The following FAM200A variants were observed in gnomAD, a reference collection of about 807,000 sequenced individuals.
FAM200A encodes ZBED8 like, also known as protein FAM200A.
In FAM200A, 26 loss-of-function variants were observed where a neutral mutation model predicts 44.2. The observed-to-expected ratio is 0.59, with a 90% CI of 0.43 to 0.82. The LOEUF (loss-of-function observed/expected upper bound fraction) is 0.82. Among genes scored for constraint, FAM200A ranks in the 40% least tolerant of loss-of-function variants. FAM200A has a pLI of 0.00. For synonymous variants in FAM200A, 206 were observed against 244.4 expected, an observed-to-expected ratio of 0.84 and a Z score of 1.47; for missense variants, 606 against 669.5, an observed-to-expected ratio of 0.91 and a Z score of 1.05.
rs1562925171 is a variant in FAM200A, at chr7:99,547,985, T to C, written c.423A>G (p.Ala141=). ...TATCAGTGCTCTCATCGAGTTGGAT[T>C]GCAAAGTCTATACCGGACTGCAGCC... The part of the protein sequence containing the change: ...ITRLQSGIDF[A]IQLDESTDIA... Residue 141 remains alanine, a synonymous_variant, in exon 2 of 2, where the codon GCA becomes GCG. Transcript: ENST00000449309. 1 of 1,551,536 alleles carries C rather than the reference T, an allele frequency of 6.4e-7. No homozygotes were observed. Among genetic ancestry groups the C allele is most frequent in the South Asian group, 1.2e-5 (1 of 84,058 alleles).
chr7:99,553,050 C>CATATAT (rs1293096944), upstream of FAM200A, among the ~76,000 whole-genome samples: 54 of 115,722 alleles, frequency 4.7e-4, 1 homozygote, highest in African/African-American at 1.9e-3. Context: ...TATACACACA[C>CATATAT]ATATATATAT....
chr7:99,555,477 T>A (rs1387786587), upstream of FAM200A, among the ~76,000 whole-genome samples: 1 of 152,174 alleles, frequency 6.6e-6, no homozygotes, highest in Non-Finnish European at 1.5e-5. Flanking sequence ...AGCACACGAA[T>A]GCACACTCTT....
chr7:99,552,809 G>T (rs928543547), upstream of FAM200A, among the ~76,000 whole-genome samples: 3 of 151,804 alleles, frequency 2.0e-5, no homozygotes, highest in Non-Finnish European at 4.4e-5. Context: ...GCCTACAAAA[G>T]GAACGGCTAC....
At position 99,551,871 on chromosome 7, in the gene FAM200A, T is replaced by C; in HGVS notation, c.-117A>G. On this transcript the variant is annotated 5_prime_UTR_variant, in exon 1 of 2. Coordinates refer to ENST00000449309, the MANE Select transcript of FAM200A (RefSeq NM_145111.4). ...CTTCCCACCTGTATCCAGGGACACC[T>C]CTGCTGGGGGACAGCGCTTGCCACC... 1 of 985,452 alleles carries C rather than the reference T, an allele frequency of 1.0e-6. No individual in the cohort carries two copies. Among genetic ancestry groups the C allele is most frequent in the Non-Finnish European group, 1.2e-6 (1 of 829,986 alleles). The allele number at this position is 985,452 out of a possible 1,614,324, so 61.0% of individuals were successfully genotyped here.
chr7:99,549,093 C>T (rs1370657106), intron 1 of FAM200A, among the ~76,000 whole-genome samples: 11 of 128,556 alleles, frequency 8.6e-5, no homozygotes, highest in Non-Finnish European at 1.6e-5. Flanking sequence ...AAACAAAAAA[C>T]AAAAAAAACC....
upstream of FAM200A, among the ~76,000 whole-genome samples, chr7:99,556,309 T>C (rs1802674084): frequency 6.6e-6 from 1 of 152,124 alleles, no homozygotes; most frequent in Non-Finnish European, 1.5e-5. Flanking sequence ...AGAGAACAGG[T>C]CTCAGGATCC....
rs976210060 is a variant in FAM200A at position 99,546,917 on chromosome 7, T to A, written c.1491A>T (p.Ala497=). Reference sequence around the variant, plus strand: ...AGTCATCTTTAATCTTAATCCAAAATGCTGATAAACTTAATATCTTATAAT... The same window carrying A: ...AGTCATCTTTAATCTTAATCCAAAAAGCTGATAAACTTAATATCTTATAAT... ...KNYYKILSLS[A]FWIKIKDDFP... is the part of the protein sequence containing the mutation. Residue 497 remains alanine (A), a synonymous_variant, in exon 2 of 2, where the codon GCA becomes GCT. Transcript: ENST00000449309. 3 of 1,548,920 alleles carry A rather than the reference T, an allele frequency of 1.9e-6. No individual in the cohort carries two copies. In the African/African-American group the frequency reaches 4.1e-5, roughly 21 times the overall value.
At chr7:99,554,886 C>T (rs1802648209), upstream of FAM200A, among the ~76,000 whole-genome samples, 1 of 152,150 alleles carries the variant, frequency 6.6e-6, no homozygotes, top group Admixed American at 6.5e-5. Flanking sequence ...TTTATAAGGC[C>T]ATAGGAGTAA....
In FAM200A at chr7:99,548,089, T is replaced by C. The variant is rs1016460099; in HGVS notation, c.319A>G (p.Thr107Ala). Residue 107 changes from threonine to alanine, a missense_variant, in exon 2 of 2, where the codon ACT becomes GCT. Coordinates refer to ENST00000449309, the MANE Select transcript of FAM200A (RefSeq NM_145111.4). The stretch of plus-strand genomic sequence containing the variant: ...ATTGTATTATCACTAAGAGGTATAG[T>C]TCTTAGTTTATCAGCTGATTTGTCA... Reference protein sequence around the residue: ...FDDKSADKLRTIPLSDNTISR... With the variant: ...FDDKSADKLRAIPLSDNTISR... 3.9e-6 allele frequency: 6 copies of C among 1,551,530 alleles called. No homozygotes were observed. Among genetic ancestry groups the C allele is most frequent in the Non-Finnish European group, 4.4e-6 (5 of 1,146,986 alleles).
Position 99,548,294 on chromosome 7 carries a change from C to T in FAM200A, c.114G>A (p.Lys38=). ...GCGATGACTCTACTTTGTTTCTTTC[C>T]TTTTGAAAATGGTCTTCTTCATCTT... ...EEEDEEDHFQ[K]ERNKVESSPQ... Residue 38 remains lysine (K), a synonymous_variant, in exon 2 of 2, where the codon AAG becomes AAA. Coordinates refer to ENST00000449309, the MANE Select transcript of FAM200A (RefSeq NM_145111.4). 6.2e-7 allele frequency: 1 copy of T among 1,614,078 alleles called. No homozygotes were observed. Among genetic ancestry groups the T allele is most frequent in the Non-Finnish European group, 8.5e-7 (1 of 1,179,996 alleles).
chr7:99,557,333 C>T (rs1562928482), intron 1 of FAM200A, among the ~76,000 whole-genome samples: 2 of 152,242 alleles, frequency 1.3e-5, no homozygotes, highest in East Asian at 3.9e-4. Context: ...CATCACATTG[C>T]TAATAGGTAC....
upstream of FAM200A, among the ~76,000 whole-genome samples, chr7:99,553,099 A>ATATATATT (rs1254408398): frequency 2.6e-4 from 16 of 61,394 alleles, no homozygotes; most frequent in East Asian, 6.1e-4. Context: ...ATATATATAT[A>ATATATATT]TTTTTTTTTT....
Position 99,548,308 on chromosome 7 carries a change from C to A in FAM200A, c.100G>T (p.Asp34Tyr), listed in dbSNP as rs1190580885. Residue 34 changes from aspartate to tyrosine, a missense_variant, in exon 2 of 2, where the codon GAC becomes TAC. Physicochemically the swap from Asp to Tyr is radical, Grantham distance 160. Coordinates refer to ENST00000449309, the MANE Select transcript of FAM200A (RefSeq NM_145111.4). Reference sequence around the variant, plus strand: ...TTGTTTCTTTCCTTTTGAAAATGGTCTTCTTCATCTTCCTCCTCCACCTTC... The same window carrying A: ...TTGTTTCTTTCCTTTTGAAAATGGTATTCTTCATCTTCCTCCTCCACCTTC... ...IVKVEEEDEE[D>Y]HFQKERNKVE... 8 of 1,614,058 alleles carry A rather than the reference C, an allele frequency of 5.0e-6. No homozygotes were observed. The Admixed American group carries it at 5.0e-5, about 10-fold the overall frequency.
In FAM200A at chr7:99,547,359, A is replaced by G. The variant is rs1475562098; in HGVS notation, c.1049T>C (p.Ile350Thr). 2.6e-6 allele frequency: 4 copies of G among 1,549,710 alleles called. No individual in the cohort carries two copies. Among genetic ancestry groups the G allele is most frequent in the Middle Eastern group, 1.7e-4 (1 of 5,984 alleles). Residue 350 changes from isoleucine to threonine, a missense_variant, in exon 2 of 2, where the codon ATT becomes ACT. Coordinates refer to ENST00000449309, the MANE Select transcript of FAM200A (RefSeq NM_145111.4). The part of the protein sequence containing the change: ...WVTKLAYLSD[I>T]FGILNELSLK... ...GCTTAATTCATTAAGAATGCCAAAA[A>G]TATCACTTAAATATGCCAATTTTGT...
intron 1 of FAM200A, among the ~76,000 whole-genome samples, chr7:99,557,610 C>T (rs1418370832): frequency 1.3e-5 from 2 of 152,106 alleles, no homozygotes; most frequent in South Asian, 4.1e-4. Context: ...TCCACTGTGA[C>T]GGGCACTGCA....
chr7:99,548,236 C>T lies in FAM200A; in HGVS notation c.172G>A (p.Glu58Lys). 6.2e-7 allele frequency: 1 copy of T among 1,608,878 alleles called. No homozygotes were observed. Among genetic ancestry groups the T allele is most frequent in the Non-Finnish European group, 8.5e-7 (1 of 1,177,272 alleles). Residue 58 changes from glutamate to lysine, a missense_variant, in exon 2 of 2, where the codon GAG becomes AAG. Physicochemically the swap from Glu to Lys is moderately conservative, Grantham distance 56. Transcript: ENST00000449309. Reference protein sequence around the residue: ...QVLSRSTTMNERALLSSYLVA... With the variant: ...QVLSRSTTMNKRALLSSYLVA... Reference sequence around the variant, plus strand: ...AAATACGATGACAATAAGGCTCTCTCATTCATAGTTGTAGAGCGACTGAGA... The same window carrying T: ...AAATACGATGACAATAAGGCTCTCTTATTCATAGTTGTAGAGCGACTGAGA...
Position 99,546,838 on chromosome 7 carries a change from A to C in FAM200A, c.1570T>G (p.Tyr524Asp). 4.5e-6 allele frequency: 7 copies of C among 1,551,614 alleles called. No homozygotes were observed. Among genetic ancestry groups the C allele is most frequent in the Non-Finnish European group, 6.1e-6 (7 of 1,146,982 alleles). Reference sequence around the variant, plus strand: ...ATTGAAAATCCTAGTTCACACAAATATGTAGTTGTGAATGGTAGTAACAGC... The same window carrying C: ...ATTGAAAATCCTAGTTCACACAAATCTGTAGTTGTGAATGGTAGTAACAGC... ...ILLLLPFTTT[Y>D]LCELGFSILT... is the part of the protein sequence containing the mutation. The change falls in exon 2 of 2, where the codon TAT (tyrosine) becomes GAT (aspartate). Residue 524 changes from tyrosine to aspartate, a missense_variant. Transcript: ENST00000449309.
At position 99,547,313 on chromosome 7, in the gene FAM200A, G is replaced by GT. The variant is rs1268664972; in HGVS notation, c.1094dup (p.Asn365LysfsTer3). The GT allele has an allele frequency of 6.5e-7, 1 of 1,550,292 alleles. No individual in the cohort carries two copies. Among genetic ancestry groups the GT allele is most frequent in the Non-Finnish European group, 8.7e-7 (1 of 1,146,606 alleles). On this transcript the variant is annotated frameshift_variant, in exon 2 of 2. Coordinates refer to ENST00000449309, the MANE Select transcript of FAM200A (RefSeq NM_145111.4). LOFTEE classifies it high-confidence loss of function. ...GTTCAAGATACTGAAATATATCATT[G>GT]TTTTTCCCCTGCATTTTCAGGCTTA...
Position 99,548,111 on chromosome 7 carries a change from G to A in FAM200A, c.297C>T (p.Asp99=). 2 of 1,551,664 alleles carry A rather than the reference G, an allele frequency of 1.3e-6. No individual in the cohort carries two copies. Among genetic ancestry groups the A allele is most frequent in the Non-Finnish European group, 1.7e-6 (2 of 1,146,988 alleles). The change falls in exon 2 of 2, where the codon GAC becomes GAT. Residue 99 remains aspartate (D), a synonymous_variant. Transcript: ENST00000449309. ...CMDMVRTIFD[D]KSADKLRTIP... ...TAGTTCTTAGTTTATCAGCTGATTT[G>A]TCATCAAAAATTGTCCGTACCATGT... is the stretch of plus-strand genomic sequence containing the variant.
Sources: gnomAD v4.1 joint callset for allele counts (sites outside exome capture counted in the v4.1 genomes callset) on GRCh38, gnomAD v4.1.1 for gene constraint, MANE v1.5 for transcripts, NCBI Gene and HGNC (gene_info 2026-07-23, HGNC 2026-07-21) for gene names.